The following SAP130 variants were observed in gnomAD, a reference collection of about 807,000 sequenced individuals.
The protein encoded by SAP130 is Sin3A associated protein 130, also known as histone deacetylase complex subunit SAP130.
In SAP130, 16 loss-of-function variants were observed where a neutral mutation model predicts 103.2. The observed-to-expected ratio is 0.16, with a 90% CI of 0.10 to 0.24. The LOEUF is 0.24. Ranked by LOEUF, SAP130 falls within the 10% of genes least tolerant of loss-of-function variation. The pLI is 1.00. For synonymous variants in SAP130, 477 were observed against 497.0 expected (o/e 0.96, Z 0.53); for missense variants, 990 against 1,359.7 (o/e 0.73, Z 4.28).
chr2:127,981,136 A>G (rs1681840354), intron 14 of SAP130, among the ~76,000 whole-genome samples: 1 of 152,018 alleles, frequency 6.6e-6, no homozygotes, highest in South Asian at 2.1e-4. Flanking sequence ...ACCCGAGGGC[A>G]AAAGACAAAC....
chr2:128,016,095 C>G (rs555587463), intron 4 of SAP130, among the ~76,000 whole-genome samples: 7 of 152,038 alleles, frequency 4.6e-5, no homozygotes, highest in African/African-American at 1.7e-4. Flanking sequence ...AACCGGACTC[C>G]GGACTCCTCA....
chr2:127,994,618 G>A (rs1255182436), intron 11 of SAP130, among the ~76,000 whole-genome samples: 1 of 151,796 alleles, frequency 6.6e-6, no homozygotes, highest in East Asian at 1.9e-4. Context: ...ACTTCGCCAG[G>A]CATGATTGCA....
chr2:127,951,407 TAG>T (rs1220860052), intron 16 of SAP130, among the ~76,000 whole-genome samples: 2 of 152,104 alleles, frequency 1.3e-5, no homozygotes, highest in African/African-American at 2.4e-5. Context: ...CACCATTAAA[TAG>T]AAACTGCCTC....
chr2:128,011,951 T>G (rs1684426720), intron 6 of SAP130, among the ~76,000 whole-genome samples: 1 of 152,170 alleles, frequency 6.6e-6, no homozygotes, highest in Non-Finnish European at 1.5e-5. Context: ...TAGCTGGGAT[T>G]ACAGGCACGC....
rs765767635 is a variant in SAP130 at position 127,950,456 on chromosome 2, CAG to C, written c.2423-50_2423-49del. ...CATATCTGTAAGAACTCAAAGATAA[CAG>C]AAAGTTTCACTTCCTTCCTTCCAAC... is the stretch of plus-strand genomic sequence containing the variant. On this transcript the variant is annotated intron_variant, in intron 16 of 20. Coordinates refer to ENST00000643581, the MANE Select transcript of SAP130 (RefSeq NM_001330301.2). The C allele has an allele frequency of 6.2e-6, 10 of 1,601,726 alleles. No homozygotes were observed. The South Asian group carries it at 7.8e-5, about 13-fold the overall frequency.
chr2:127,983,317 C>T lies in SAP130; in HGVS notation c.1958+3468G>A, dbSNP rs920726197. Among the ~76,000 whole-genome samples the T allele has an allele frequency of 2.1e-4, 32 of 152,134 alleles. 1 individual carries two copies. The highest frequency in any genetic ancestry group is 7.2e-4 in the African/African-American group (30 of 41,404). The stretch of plus-strand genomic sequence containing the variant: ...TGAATTTTATAATGGATACTCGATC[C>T]AGTTACTGAGAAACTTTTTATTGTC... On this transcript the variant is annotated intron_variant, in intron 14 of 20. Transcript: ENST00000643581.
At chr2:128,006,347 T>G (rs115562423) in intron 7 of SAP130, among the ~76,000 whole-genome samples, 1 of 152,234 alleles carries the variant, frequency 6.6e-6, no homozygotes, top group South Asian at 2.1e-4. Flanking sequence ...GTCAAAGAAC[T>G]GACAGACTGA....
Position 127,950,127 on chromosome 2 carries a change from G to T in SAP130, c.2671+33C>A, listed in dbSNP as rs1256713167. 3 of 1,612,314 alleles carry T rather than the reference G, an allele frequency of 1.9e-6. No homozygotes were observed. In the South Asian group the frequency reaches 3.3e-5, roughly 18 times the overall value. On this transcript the variant is annotated intron_variant, in intron 17 of 20. Coordinates refer to ENST00000643581, the MANE Select transcript of SAP130 (RefSeq NM_001330301.2). ...GGTTGGACTCTGACTTTATTGGGAA[G>T]CATCATAACACAAGTCAGCCTGTGA... is the stretch of plus-strand genomic sequence containing the variant.
At chr2:127,966,117 C>G (rs1480094213) in intron 15 of SAP130, among the ~76,000 whole-genome samples, 1 of 151,972 alleles carries the variant, frequency 6.6e-6, no homozygotes, top group South Asian at 2.1e-4. Flanking sequence ...CTGAGGCGGG[C>G]GGATCACAAG....
intron 2 of SAP130, among the ~76,000 whole-genome samples, chr2:128,021,047 T>C (rs544724078): frequency 8.5e-5 from 13 of 152,314 alleles, no homozygotes; most frequent in South Asian, 2.1e-4. Context: ...TTAAAATCAC[T>C]GTATCATTGA....
intron 15 of SAP130, among the ~76,000 whole-genome samples, chr2:127,962,803 T>C (rs1007502121): frequency 1.5e-4 from 22 of 151,534 alleles, no homozygotes; most frequent in Admixed American, 2.6e-4. Flanking sequence ...GGGTGCAGCA[T>C]ACCAACACGG....
chr2:127,974,796 A>G (rs376735730), intron 15 of SAP130, among the ~76,000 whole-genome samples: 4 of 152,334 alleles, frequency 2.6e-5, no homozygotes, highest in African/African-American at 9.6e-5. Context: ...CTGGGCAGCA[A>G]GAGTGAAACT....
intron 7 of SAP130, among the ~76,000 whole-genome samples, chr2:128,001,094 G>GT (rs1278067503): frequency 2.0e-5 from 3 of 152,200 alleles, no homozygotes; most frequent in African/African-American, 4.8e-5. Context: ...CTTAGCAAAT[G>GT]TAAGAACACT....
intron 15 of SAP130, among the ~76,000 whole-genome samples, chr2:127,976,636 G>A (rs1464041447): frequency 6.6e-6 from 1 of 152,238 alleles, no homozygotes; most frequent in Admixed American, 6.5e-5. Context: ...CTGGGGCCGG[G>A]CACGGTGGCT....
At chr2:128,020,343 A>G (rs1249595344) in intron 2 of SAP130, among the ~76,000 whole-genome samples, 2 of 152,176 alleles carry the variant, frequency 1.3e-5, no homozygotes, top group Non-Finnish European at 2.9e-5. Context: ...GAAGGAAATC[A>G]ATCTTCTACC....
chr2:128,026,703 T>C (rs559631175), intron 1 of SAP130, among the ~76,000 whole-genome samples: 2 of 152,370 alleles, frequency 1.3e-5, no homozygotes, highest in Non-Finnish European at 2.9e-5. Context: ...GTGATTAGTA[T>C]GTCATAGGAA....
In SAP130 at chr2:127,942,751, G is replaced by A. The variant is rs1261869869; in HGVS notation, c.2902-214C>T. Among the ~76,000 whole-genome samples the A allele has an allele frequency of 1.3e-5, 2 of 152,198 alleles. No homozygotes were observed. The highest frequency in any genetic ancestry group is 3.8e-4 in the East Asian group (2 of 5,198). On this transcript the variant is annotated intron_variant, in intron 19 of 20. Transcript: ENST00000643581. The surrounding 1 kb of genome is among the most constrained non-coding windows in gnomAD (Gnocchi z 4.8). ...CGCCTATAATCCCAGCACTTTGGGA[G>A]GTCGAGGCGGGTGGATCACCTGAGG...
At chr2:127,981,644 G>A (rs1317988102) in intron 14 of SAP130, among the ~76,000 whole-genome samples, 4 of 38,110 alleles carry the variant, frequency 1.0e-4, no homozygotes, top group Admixed American at 3.6e-4. Context: ...CTGCACCCCC[G>A]ACTCAGCTCC....
At chr2:127,958,181 A>G (rs1679975823) in intron 15 of SAP130, among the ~76,000 whole-genome samples, 1 of 152,232 alleles carries the variant, frequency 6.6e-6, no homozygotes, top group Non-Finnish European at 1.5e-5. Flanking sequence ...TTGGGAGGCC[A>G]AAGCAGGAGG....
Sources: gnomAD v4.1 joint callset for allele counts (sites outside exome capture counted in the v4.1 genomes callset) on GRCh38, gnomAD v4.1.1 for gene constraint, Gnocchi (gnomAD v3.1) non-coding constraint, MANE v1.5 for transcripts, NCBI Gene and HGNC (gene_info 2026-07-23, HGNC 2026-07-21) for gene names.